OSBPL1A: variants seen among roughly 807,000 people sequenced by gnomAD.
OSBPL1A encodes the protein oxysterol-binding protein-related protein 1.
In OSBPL1A, 80 loss-of-function variants were observed where a neutral mutation model predicts 137.1. The ratio of observed to expected loss-of-function variants is 0.58; its 90% CI spans 0.49 to 0.70. The LOEUF (loss-of-function observed/expected upper bound fraction) is 0.70, where lower values mean the gene tolerates loss of function less well. OSBPL1A is among the 30% of genes least tolerant of loss of function. The pLI, the probability that OSBPL1A is intolerant of heterozygous loss-of-function variation, is 0.00. For missense variants in OSBPL1A, 970 were observed against 1,129.4 expected (o/e 0.86, Z 2.02); for synonymous variants, 365 against 389.7 (o/e 0.94, Z 0.75).
In OSBPL1A at chr18:24,170,443, GCTT is replaced by G; in HGVS notation, c.2299_2301del (p.Lys767del). The G allele has an allele frequency of 6.2e-7, 1 of 1,613,970 alleles. No individual in the cohort carries two copies. Among genetic ancestry groups the G allele is most frequent in the Non-Finnish European group, 8.5e-7 (1 of 1,180,006 alleles). ...GTCCACTTCCCATAGAGGGCACAGA[GCTT>G]CTTTTTGCTGTCAAGAAAAACTGAT... On this transcript the variant is annotated inframe_deletion, in exon 24 of 28. Coordinates refer to ENST00000319481, the MANE Select transcript of OSBPL1A (RefSeq NM_080597.4).
intron 18 of OSBPL1A, among the ~76,000 whole-genome samples, chr18:24,194,455 AC>A (rs2086970902): frequency 6.6e-6 from 1 of 152,204 alleles, no homozygotes; most frequent in Admixed American, 6.5e-5. Flanking sequence ...AACATATTTA[AC>A]TAAGGGTTTG....
intron 17 of OSBPL1A, among the ~76,000 whole-genome samples, chr18:24,212,130 T>G (rs1217865556): frequency 6.6e-6 from 1 of 151,946 alleles, no homozygotes; most frequent in African/African-American, 2.4e-5. Flanking sequence ...TACAGTGGTG[T>G]GATCTTGGCT....
At chr18:24,234,404 A>G (rs2088378537) in intron 16 of OSBPL1A, among the ~76,000 whole-genome samples, 1 of 152,240 alleles carries the variant, frequency 6.6e-6, no homozygotes, top group South Asian at 2.1e-4. Context: ...CTCCTTTTAA[A>G]TAAGTTTACA....
intron 14 of OSBPL1A, among the ~76,000 whole-genome samples, chr18:24,281,478 C>G (rs918509178): frequency 2.0e-5 from 3 of 151,884 alleles, no homozygotes; most frequent in Non-Finnish European, 4.4e-5. Flanking sequence ...ACCTTCACCT[C>G]CCGGGTTCAA....
At chr18:24,390,306 T>C (rs1907238491) in intron 1 of OSBPL1A, among the ~76,000 whole-genome samples, 1 of 152,236 alleles carries the variant, frequency 6.6e-6, no homozygotes. Flanking sequence ...CAGATATTTG[T>C]ATTCCCATGT....
Position 24,175,103 on chromosome 18 carries a change from T to TATATATATATATATATATAC in OSBPL1A, c.2094-2621_2094-2620insGTATATATATATATATATAT, listed in dbSNP as rs1567919871. Among the ~76,000 whole-genome samples, 11 of 37,054 alleles carry TATATATATATATATATATAC rather than the reference T, an allele frequency of 3.0e-4. 2 individuals carry two copies. Among genetic ancestry groups the TATATATATATATATATATAC allele is most frequent in the African/African-American group, 1.3e-3 (11 of 8,670 alleles). The allele number at this position is 37,054 out of a possible 152,430, so 24.3% of individuals were successfully genotyped here. A position where few individuals can be genotyped will look rare whatever the true frequency, so the allele number is the denominator to read the frequency against. ...TGACTTCATGTGCTTATTTGCCATGTGTATGTATATATATATATATATATA... is the reference window on the plus strand; with the variant it reads ...TGACTTCATGTGCTTATTTGCCATGTATATATATATATATATATACGTATGTATATATATATATATATATA... On this transcript the variant is annotated intron_variant, in intron 21 of 27. Transcript: ENST00000319481.
intron 15 of OSBPL1A, among the ~76,000 whole-genome samples, chr18:24,268,122 TTTTTTA>T (rs959208678): frequency 1.3e-5 from 2 of 152,174 alleles, no homozygotes; most frequent in Non-Finnish European, 2.9e-5. Flanking sequence ...TTGTTGTTTA[TTTTTTA>T]TTTTTGAGAC....
intron 11 of OSBPL1A, among the ~76,000 whole-genome samples, chr18:24,314,944 G>C (rs1377950522): frequency 6.6e-6 from 1 of 152,102 alleles, no homozygotes; most frequent in Non-Finnish European, 1.5e-5. Context: ...TCCAATAATG[G>C]AACACCAGGC....
chr18:24,170,977 C>G (rs180675495), intron 23 of OSBPL1A, among the ~76,000 whole-genome samples: 1 of 151,434 alleles, frequency 6.6e-6, no homozygotes, highest in East Asian at 1.9e-4. Context: ...AATAAACTTC[C>G]TTGTAGAAGA....
intron 17 of OSBPL1A, among the ~76,000 whole-genome samples, chr18:24,218,078 A>C (rs2087764244): frequency 6.6e-6 from 1 of 152,194 alleles, no homozygotes; most frequent in Non-Finnish European, 1.5e-5. Context: ...ATAGAAACCA[A>C]AGGCAGTATG....
Position 24,316,993 on chromosome 18 carries a change from G to A in OSBPL1A, c.870+156C>T, listed in dbSNP as rs74985648. Among the ~76,000 whole-genome samples the A allele has an allele frequency of 1.3e-3, 198 of 152,150 alleles. 3 individuals carry two copies. In the East Asian group the frequency reaches 0.033, roughly 25 times the overall value. ...ATTTTGTTCAAAATGGAGATGCCAC[G>A]ACTTTACTTGTTATCAAATTAAAAT... On this transcript the variant is annotated intron_variant, in intron 11 of 27. Coordinates refer to ENST00000319481, the MANE Select transcript of OSBPL1A (RefSeq NM_080597.4).
At chr18:24,380,994 G>T (rs1349982552) in intron 1 of OSBPL1A, among the ~76,000 whole-genome samples, 1 of 151,062 alleles carries the variant, frequency 6.6e-6, no homozygotes, top group Non-Finnish European at 1.5e-5. Context: ...AAAGTAAAAA[G>T]CTCTTATAAA....
chr18:24,250,298 T>A (rs377731145), intron 15 of OSBPL1A, among the ~76,000 whole-genome samples: 37 of 152,206 alleles, frequency 2.4e-4, no homozygotes, highest in East Asian at 1.5e-3. Flanking sequence ...TGCCTTAGCC[T>A]CCCGAGTAGC....
chr18:24,171,847 G>A (rs1330446310), intron 22 of OSBPL1A, among the ~76,000 whole-genome samples: 1 of 152,046 alleles, frequency 6.6e-6, no homozygotes, highest in East Asian at 1.9e-4. Context: ...GGTAAGCTGG[G>A]TTCACCCAGT....
chr18:24,270,600 C>T (rs1386727721), intron 15 of OSBPL1A, among the ~76,000 whole-genome samples: 1 of 152,144 alleles, frequency 6.6e-6, no homozygotes, highest in Non-Finnish European at 1.5e-5. Context: ...GGTAGTTATG[C>T]TCAGATTAAA....
chr18:24,344,618 G>A (rs1304763031), intron 4 of OSBPL1A, among the ~76,000 whole-genome samples: 1 of 152,104 alleles, frequency 6.6e-6, no homozygotes, highest in Non-Finnish European at 1.5e-5. Context: ...TTTTAGGTGC[G>A]TGAAGTTTCA....
At position 24,181,165 on chromosome 18, in the gene OSBPL1A, C is replaced by G. The variant is rs1441725594; in HGVS notation, c.1792G>C (p.Asp598His). The stretch of plus-strand genomic sequence containing the variant: ...CATACCTGCATCCTTTCCACAGGAT[C>G]AGAGAGTGAACTGGCCTTGTGGATG... ...YLIHKASSLS[D>H]PVERMQCVAA... is the part of the protein sequence containing the mutation. The change falls in exon 19 of 28, where the codon GAT (aspartate) becomes CAT (histidine). Residue 598 changes from aspartate (D) to histidine (H), a missense_variant. This residue lies in a region of OSBPL1A where 323 missense variants were observed against 456.8 expected (regional missense o/e 0.71). Coordinates refer to ENST00000319481, the MANE Select transcript of OSBPL1A (RefSeq NM_080597.4). 1 of 1,614,006 alleles carries G rather than the reference C, an allele frequency of 6.2e-7. No individual in the cohort carries two copies. The highest frequency in any genetic ancestry group is 1.6e-4 in the Middle Eastern group (1 of 6,062).
rs577838040 is a variant in OSBPL1A at position 24,360,579 on chromosome 18, A to G, written c.282+6313T>C. On this transcript the variant is annotated intron_variant, in intron 4 of 27. Coordinates refer to ENST00000319481, the MANE Select transcript of OSBPL1A (RefSeq NM_080597.4). ...TAAATGTTATTTTCTAAGACAACAG[A>G]TAACAAAATACAGCAGATCTTCAAA... Among the ~76,000 whole-genome samples the G allele has an allele frequency of 6.8e-4, 103 of 152,362 alleles. 1 individual carries two copies. Among genetic ancestry groups the G allele is most frequent in the Non-Finnish European group, 1.2e-3 (82 of 68,038 alleles).
At chr18:24,206,683 C>A (rs1422247273) in intron 17 of OSBPL1A, among the ~76,000 whole-genome samples, 2 of 152,164 alleles carry the variant, frequency 1.3e-5, no homozygotes, top group Non-Finnish European at 2.9e-5. Context: ...TCCATTCAGG[C>A]TTCTCTTCTG....
Sources: gnomAD v4.1 joint callset for allele counts (sites outside exome capture counted in the v4.1 genomes callset) on GRCh38, gnomAD v4.1.1 for gene constraint, gnomAD v4.1.1 regional missense constraint, MANE v1.5 for transcripts, NCBI Gene and HGNC (gene_info 2026-07-23, HGNC 2026-07-21) for gene names.